CAMK1D: variants seen among roughly 807,000 people sequenced by gnomAD.
CAMK1D encodes calcium/calmodulin dependent protein kinase ID, also known as calcium/calmodulin-dependent protein kinase type 1D.
A neutral mutation model predicts 47.7 loss-of-function variants in CAMK1D; 9 were observed. That is an observed-to-expected ratio of 0.19 (90% CI 0.11 to 0.33). The LOEUF is 0.33. Ranked by LOEUF, CAMK1D falls within the 10% of genes least tolerant of loss-of-function variation. The probability of loss-of-function intolerance (pLI) is 1.00; values close to 1 mark genes in which losing one functional copy is unlikely to be tolerated. For synonymous variants in CAMK1D, 184 were observed against 184.9 expected (o/e 0.99, Z 0.04); for missense variants, 291 against 488.7 (o/e 0.60, Z 3.81).
intron 2 of CAMK1D, among the ~76,000 whole-genome samples, chr10:12,579,778 C>T (rs188442368): frequency 1.2e-4 from 19 of 152,278 alleles, no homozygotes; most frequent in Admixed American, 3.9e-4. Flanking sequence ...TGATGGGGAC[C>T]GTGGGCTGCA....
At chr10:12,473,258 A>AC (rs1833802277) in intron 1 of CAMK1D, among the ~76,000 whole-genome samples, 1 of 152,054 alleles carries the variant, frequency 6.6e-6, no homozygotes, top group East Asian at 1.9e-4. Context: ...CATCGTGAAG[A>AC]CCTTTGCCTA....
chr10:12,806,190 T>C (rs1169268577), intron 6 of CAMK1D, among the ~76,000 whole-genome samples: 1 of 152,196 alleles, frequency 6.6e-6, no homozygotes, highest in Non-Finnish European at 1.5e-5. Flanking sequence ...TGACCTTTTC[T>C]GGGTATTTTT....
chr10:12,512,903 A>G (rs1459470240), intron 1 of CAMK1D, among the ~76,000 whole-genome samples: 1 of 152,312 alleles, frequency 6.6e-6, no homozygotes, highest in East Asian at 1.9e-4. Context: ...TAATAGATGG[A>G]CCGGAGCGAG....
Position 12,814,288 on chromosome 10 carries a change from G to A in CAMK1D, c.735G>A (p.Trp245Ter). The A allele has an allele frequency of 6.2e-7, 1 of 1,612,084 alleles. No individual in the cohort carries two copies. Among genetic ancestry groups the A allele is most frequent in the Non-Finnish European group, 8.5e-7 (1 of 1,178,224 alleles). The change falls in exon 7 of 11, where the codon TGG becomes TGA. Residue 245 changes from tryptophan (W) to a stop codon, truncating the protein, a stop_gained. Coordinates refer to ENST00000619168, the MANE Select transcript of CAMK1D (RefSeq NM_153498.4). LOFTEE classifies it high-confidence loss of function. ...AATATGAGTTTGACTCTCCCTACTGGGATGACATCTCCGACTCTGGTAGGT... is the reference window on the plus strand; with the variant it reads ...AATATGAGTTTGACTCTCCCTACTGAGATGACATCTCCGACTCTGGTAGGT... ...KAEYEFDSPY[W>*]DDISDSAKDF...
At chr10:12,448,957 A>T (rs1833001563) in intron 1 of CAMK1D, among the ~76,000 whole-genome samples, 1 of 152,154 alleles carries the variant, frequency 6.6e-6, no homozygotes, top group African/African-American at 2.4e-5. Flanking sequence ...TAATAATCTC[A>T]TCGGATGTTG....
At chr10:12,664,111 G>A (rs1040470896) in intron 2 of CAMK1D, among the ~76,000 whole-genome samples, 1 of 152,142 alleles carries the variant, frequency 6.6e-6, no homozygotes, top group Non-Finnish European at 1.5e-5. Context: ...TCAGGGCTCT[G>A]CTTTCTCTGA....
intron 1 of CAMK1D, among the ~76,000 whole-genome samples, chr10:12,406,724 A>AG (rs1165025705): frequency 3.3e-5 from 2 of 60,892 alleles, no homozygotes; most frequent in African/African-American, 1.3e-4. Context: ...CCCTGTCTCA[A>AG]AAAAAAAAAA....
chr10:12,510,684 A>G (rs1156444640), intron 1 of CAMK1D, among the ~76,000 whole-genome samples: 1 of 152,176 alleles, frequency 6.6e-6, no homozygotes, highest in Admixed American at 6.5e-5. Flanking sequence ...AGAGTCACCA[A>G]TGACAGGAGA....
At chr10:12,489,271 G>T (rs1432062545) in intron 1 of CAMK1D, among the ~76,000 whole-genome samples, 3 of 152,160 alleles carry the variant, frequency 2.0e-5, no homozygotes, top group African/African-American at 7.2e-5. Context: ...CCACAGACTG[G>T]TATCGGTTTA....
At chr10:12,402,148 G>GC (rs1357926541) in intron 1 of CAMK1D, among the ~76,000 whole-genome samples, 1 of 151,308 alleles carries the variant, frequency 6.6e-6, no homozygotes, top group African/African-American at 2.4e-5. Flanking sequence ...TGCCATGTTG[G>GC]CCAGGCTGGT....
intron 2 of CAMK1D, among the ~76,000 whole-genome samples, chr10:12,651,824 G>T (rs1337532691): frequency 2.0e-5 from 3 of 151,964 alleles, no homozygotes; most frequent in Non-Finnish European, 4.4e-5. Flanking sequence ...TGTCGCCCAG[G>T]CTGGAGTGCA....
At chr10:12,704,777 T>C (rs1833669021) in intron 3 of CAMK1D, among the ~76,000 whole-genome samples, 1 of 152,222 alleles carries the variant, frequency 6.6e-6, no homozygotes, top group African/African-American at 2.4e-5. Context: ...AGAACAACTA[T>C]TTACTGCATC....
At chr10:12,546,018 A>G (rs1836358367) in intron 1 of CAMK1D, among the ~76,000 whole-genome samples, 1 of 152,200 alleles carries the variant, frequency 6.6e-6, no homozygotes, top group Non-Finnish European at 1.5e-5. Flanking sequence ...CTGTAGTGAC[A>G]GATGAGCCTG....
chr10:12,498,847 C>T (rs1251137190), intron 1 of CAMK1D, among the ~76,000 whole-genome samples: 1 of 152,164 alleles, frequency 6.6e-6, no homozygotes, highest in Non-Finnish European at 1.5e-5. Flanking sequence ...CAATTTAGTA[C>T]TTTGCAGATG....
Position 12,502,150 on chromosome 10 carries a change from C to T in CAMK1D, c.93-51075C>T, listed in dbSNP as rs114965805. Among the ~76,000 whole-genome samples, 391 of 152,148 alleles carry T rather than the reference C, an allele frequency of 2.6e-3. 5 individuals are homozygous for T. The highest frequency in any genetic ancestry group is 9.0e-3 in the African/African-American group (374 of 41,488). On this transcript the variant is annotated intron_variant, in intron 1 of 10. Transcript: ENST00000619168. ...CTGTCATAGGGCGGAGGCTCTGTGC[C>T]GGGAGCAGCAGGCAGTCTGGACCGA... is the stretch of plus-strand genomic sequence containing the variant.
chr10:12,595,410 G>A (rs76559070), intron 2 of CAMK1D, among the ~76,000 whole-genome samples: 1,911 of 144,746 alleles, frequency 0.013, 56 homozygotes, highest in African/African-American at 0.047. Context: ...CTAGGAACTT[G>A]AGGAATTATC....
intron 2 of CAMK1D, among the ~76,000 whole-genome samples, chr10:12,619,409 G>A (rs1416283225): frequency 6.6e-6 from 1 of 151,864 alleles, no homozygotes; most frequent in Non-Finnish European, 1.5e-5. Flanking sequence ...TTCTGCCTCA[G>A]CCCGAGTAGC....
chr10:12,675,030 CAAAAAAAAAAA>C (rs771350871), intron 3 of CAMK1D, among the ~76,000 whole-genome samples: 1 of 53,240 alleles, frequency 1.9e-5, no homozygotes, highest in East Asian at 5.2e-4. Context: ...GACTCCATCT[CAAAAAAAAAAA>C]AAAAAAAAAG....
At chr10:12,513,505 G>C (rs1174856361) in intron 1 of CAMK1D, among the ~76,000 whole-genome samples, 1 of 152,116 alleles carries the variant, frequency 6.6e-6, no homozygotes, top group Non-Finnish European at 1.5e-5. Flanking sequence ...TACTTAATTA[G>C]GCCGGGCGTG....
Sources: gnomAD v4.1 joint callset for allele counts (sites outside exome capture counted in the v4.1 genomes callset) on GRCh38, gnomAD v4.1.1 for gene constraint, MANE v1.5 for transcripts, NCBI Gene and HGNC (gene_info 2026-07-23, HGNC 2026-07-21) for gene names.